Variants in SRL observed in about 807,000 individuals in gnomAD.
SRL encodes the protein sarcalumenin.
Under a neutral mutation model 39.5 loss-of-function variants are expected in SRL, and 23 were observed. The observed-to-expected ratio is 0.58, with a 90% CI of 0.42 to 0.82. The LOEUF is 0.82. Ranked by LOEUF, SRL falls within the 40% of genes least tolerant of loss-of-function variation. The pLI is 0.00. For missense variants in SRL, 592 were observed against 607.8 expected (o/e 0.97, Z 0.27); for synonymous variants, 272 against 237.4 (o/e 1.15, Z -1.34).
At chr16:4,197,420 C>CATTT (rs1597267271) in intron 4 of SRL, among the ~76,000 whole-genome samples, 1 of 65,716 alleles carries the variant, frequency 1.5e-5, no homozygotes, top group Non-Finnish European at 2.7e-5. Context: ...ACTTTTCTTT[C>CATTT]CTTTTTTTTT....
intron 2 of SRL, among the ~76,000 whole-genome samples, chr16:4,204,092 G>A (rs1365975330): frequency 2.0e-5 from 3 of 152,232 alleles, no homozygotes; most frequent in African/African-American, 7.2e-5. Flanking sequence ...ATCGCTGCTA[G>A]CCTGAGCTCC....
In SRL at chr16:4,192,877, C is replaced by T; in HGVS notation, c.698G>A (p.Gly233Asp). The T allele has an allele frequency of 6.2e-7, 1 of 1,614,138 alleles. No individual in the cohort carries two copies. Among genetic ancestry groups the T allele is most frequent in the South Asian group, 1.1e-5 (1 of 91,076 alleles). ...GCGGAAGAGCATCTCCAGCTCTAGA[C>T]CCACATCCAGCTTTGTTGGGTCAAA... ...VVFDPTKLDVGLELEMLFRQL... is the reference protein window; with the variant it reads ...VVFDPTKLDVDLELEMLFRQL... Residue 233 changes from glycine to aspartate, a missense_variant, in exon 6 of 6, where the codon GGT becomes GAT. By Grantham distance (94) the Gly-to-Asp change is moderately conservative (BLOSUM62 -1). Transcript: ENST00000399609. This position sits in a 1 kb window ranked among gnomAD's most constrained non-coding sequence, Gnocchi z 4.0.
At chr16:4,230,677 C>T (rs1040165306) in intron 1 of SRL, among the ~76,000 whole-genome samples, 4 of 151,946 alleles carry the variant, frequency 2.6e-5, no homozygotes, top group African/African-American at 4.8e-5. Context: ...TGTGAGCCAC[C>T]ACACCCAGGA....
chr16:4,198,715 G>T (rs994714457), intron 3 of SRL, among the ~76,000 whole-genome samples: 6 of 152,078 alleles, frequency 3.9e-5, no homozygotes, highest in African/African-American at 1.2e-4. Flanking sequence ...CCAAAATGCT[G>T]GGATTACAGC....
intron 1 of SRL, among the ~76,000 whole-genome samples, chr16:4,219,754 C>G (rs149280443): frequency 2.0e-3 from 297 of 152,240 alleles, no homozygotes; most frequent in Middle Eastern, 6.8e-3. Context: ...AGCCACCACG[C>G]CTGGCCTGTA....
At chr16:4,240,905 C>G (rs1165914278) in intron 1 of SRL, among the ~76,000 whole-genome samples, 1 of 152,230 alleles carries the variant, frequency 6.6e-6, no homozygotes, top group Admixed American at 6.5e-5. Context: ...AACTCAAGGA[C>G]AGACAAGGGC....
chr16:4,195,401 T>C, intron 5 of SRL, 152 bp downstream of exon 5: 1 of 741,690 alleles, frequency 1.3e-6, no homozygotes, highest in South Asian at 1.8e-5. Context: ...TTTCACTATG[T>C]TGCTCAGGCT....
chr16:4,210,484 A>ATTT (rs1307381191), intron 1 of SRL, among the ~76,000 whole-genome samples: 1 of 68,786 alleles, frequency 1.5e-5, no homozygotes, highest in Non-Finnish European at 2.6e-5. Context: ...TATTACTCAT[A>ATTT]TCTTTTTTTT....
chr16:4,203,586 A>C (rs1047522118), intron 2 of SRL, among the ~76,000 whole-genome samples: 1 of 152,098 alleles, frequency 6.6e-6, no homozygotes, highest in African/African-American at 2.4e-5. Flanking sequence ...CAGTGGTGCA[A>C]TCATAGCTCA....
intron 3 of SRL, among the ~76,000 whole-genome samples, chr16:4,200,916 A>G (rs553207578): frequency 6.6e-6 from 1 of 152,286 alleles, no homozygotes; most frequent in South Asian, 2.1e-4. Flanking sequence ...AAACAGCCCA[A>G]TTAACACAGG....
At chr16:4,228,597 T>C (rs1208825767) in intron 1 of SRL, among the ~76,000 whole-genome samples, 4 of 151,466 alleles carry the variant, frequency 2.6e-5, no homozygotes, top group South Asian at 2.1e-4. Context: ...TAGTCAGGCG[T>C]GGTGGCGGGC....
chr16:4,226,293 A>G (rs1402456126), intron 1 of SRL, among the ~76,000 whole-genome samples: 1 of 152,096 alleles, frequency 6.6e-6, no homozygotes, highest in Non-Finnish European at 1.5e-5. Context: ...TGGATGAACG[A>G]ATGGACAGCT....
intron 2 of SRL, among the ~76,000 whole-genome samples, 154 bp from the exon 3 acceptor site, chr16:4,203,415 C>T (rs1348971716): frequency 3.3e-5 from 5 of 152,244 alleles, no homozygotes; most frequent in Non-Finnish European, 7.3e-5. Context: ...AATGTATTTG[C>T]ATATGGGGAG....
At chr16:4,193,142 A>G (rs893338873) in intron 5 of SRL, among the ~76,000 whole-genome samples, 178 bp from the exon 6 acceptor site, 8 of 152,216 alleles carry the variant, frequency 5.3e-5, no homozygotes, top group African/African-American at 1.9e-4. Flanking sequence ...CCAATCTTCA[A>G]CCAAGAACAG....
At chr16:4,214,851 T>G (rs1184539845) in intron 1 of SRL, among the ~76,000 whole-genome samples, 1 of 151,570 alleles carries the variant, frequency 6.6e-6, no homozygotes, top group Admixed American at 6.6e-5. Flanking sequence ...CACTGCAACC[T>G]CTGCCTCCTG....
chr16:4,211,848 TGAC>T (rs1259550290), intron 1 of SRL, among the ~76,000 whole-genome samples: 5 of 152,198 alleles, frequency 3.3e-5, no homozygotes, highest in African/African-American at 1.2e-4. Flanking sequence ...ATGATGGTGA[TGAC>T]GACGATGACG....
At chr16:4,230,943 C>T (rs1466299597) in intron 1 of SRL, among the ~76,000 whole-genome samples, 1 of 152,170 alleles carries the variant, frequency 6.6e-6, no homozygotes, top group Non-Finnish European at 1.5e-5. Flanking sequence ...AAGGATCCCC[C>T]TTAGACCTTT....
chr16:4,211,316 G>A (rs1449091849), intron 1 of SRL, among the ~76,000 whole-genome samples: 1 of 152,222 alleles, frequency 6.6e-6, no homozygotes, highest in Non-Finnish European at 1.5e-5. Context: ...CCACGTTGGG[G>A]GGGGTCTCCT....
intron 1 of SRL, among the ~76,000 whole-genome samples, chr16:4,230,286 C>A (rs896528043): frequency 2.0e-5 from 3 of 152,128 alleles, no homozygotes; most frequent in African/African-American, 7.2e-5. Flanking sequence ...GAAACAGGTA[C>A]CCCCTCCACC....
Sources: allele counts gnomAD v4.1 joint callset (sites outside exome capture counted in the v4.1 genomes callset), GRCh38; gene constraint gnomAD v4.1.1; non-coding constraint Gnocchi (gnomAD v3.1); transcripts MANE v1.5; gene names NCBI Gene and HGNC (gene_info 2026-07-23, HGNC 2026-07-21).